Variants in EHHADH observed in about 807,000 individuals in gnomAD.
The protein encoded by EHHADH is enoyl-CoA hydratase and 3-hydroxyacyl CoA dehydrogenase.
Under a neutral mutation model 64.4 loss-of-function variants are expected in EHHADH, and 48 were observed. That is an observed-to-expected ratio of 0.75 (90% CI 0.59 to 0.95). The LOEUF is 0.95. Among genes scored for constraint, EHHADH ranks in the 40% least tolerant of loss-of-function variants. EHHADH has a pLI of 0.00. For missense variants in EHHADH, 854 were observed against 876.6 expected, an observed-to-expected ratio of 0.97 and a Z score of 0.33; for synonymous variants, 308 against 326.7, an observed-to-expected ratio of 0.94 and a Z score of 0.62.
At chr3:185,209,407 T>C (rs1308264388) in intron 5 of EHHADH, among the ~76,000 whole-genome samples, 2 of 152,202 alleles carry the variant, frequency 1.3e-5, no homozygotes, top group Non-Finnish European at 2.9e-5. Flanking sequence ...AATAAATTCA[T>C]AACAACTTAC....
At chr3:185,207,025 C>G (rs1481071266) in intron 5 of EHHADH, among the ~76,000 whole-genome samples, 1 of 151,978 alleles carries the variant, frequency 6.6e-6, no homozygotes, top group East Asian at 1.9e-4. Context: ...CAGTAGCCCA[C>G]GCCTGTAATT....
intron 6 of EHHADH, among the ~76,000 whole-genome samples, chr3:185,204,115 A>G (rs1718304740): frequency 6.8e-6 from 1 of 146,008 alleles, no homozygotes; most frequent in Admixed American, 6.9e-5. Flanking sequence ...CCTGGGTGAC[A>G]GAACAAGACT....
At chr3:185,233,306 G>C (rs939069023) in intron 3 of EHHADH, among the ~76,000 whole-genome samples, 3 of 152,068 alleles carry the variant, frequency 2.0e-5, no homozygotes, top group African/African-American at 7.2e-5. Context: ...CATAAATTAA[G>C]ATGTTAATTG....
chr3:185,201,965 G>A (rs1425505637), intron 6 of EHHADH, among the ~76,000 whole-genome samples: 4 of 152,182 alleles, frequency 2.6e-5, no homozygotes, highest in Non-Finnish European at 5.9e-5. Flanking sequence ...ATAAATATTG[G>A]TATTGCTGAA....
chr3:185,245,878 C>T lies in EHHADH; in HGVS notation c.178+2536G>A, dbSNP rs1577377630. The stretch of plus-strand genomic sequence containing the variant: ...TCTCCCCAGCAACCATATCTGGATT[C>T]TTTTCCCTCATGATGTTGAACACAC... On this transcript the variant is annotated intron_variant, in intron 2 of 6. Transcript: ENST00000231887. 1.1e-5 allele frequency: 12 copies of T among 1,093,234 alleles called. No individual in the cohort carries two copies. The East Asian group carries it at 2.6e-4, about 24-fold the overall frequency. 67.7% of individuals were successfully genotyped at this position (1,093,234 alleles called of 1,614,324 possible). A position where few individuals can be genotyped will look rare whatever the true frequency, so the allele number is the denominator to read the frequency against.
chr3:185,237,554 A>C (rs1050926317), intron 2 of EHHADH, among the ~76,000 whole-genome samples: 1 of 152,170 alleles, frequency 6.6e-6, no homozygotes, highest in Non-Finnish European at 1.5e-5. Context: ...TTTACTAAGA[A>C]TGTTTCTTCT....
intron 4 of EHHADH, among the ~76,000 whole-genome samples, chr3:185,220,754 C>G (rs1718810957): frequency 6.6e-6 from 1 of 152,106 alleles, no homozygotes; most frequent in Admixed American, 6.5e-5. Flanking sequence ...TAATAAGAAC[C>G]CTGTGTGCCC....
At chr3:185,228,386 G>T (rs1719061141) in intron 4 of EHHADH, among the ~76,000 whole-genome samples, 2 of 150,438 alleles carry the variant, frequency 1.3e-5, no homozygotes, top group African/African-American at 2.4e-5. Flanking sequence ...AACTTATAAA[G>T]CACCGGGCTG....
chr3:185,211,300 G>A (rs150721829), intron 5 of EHHADH, among the ~76,000 whole-genome samples: 1 of 152,212 alleles, frequency 6.6e-6, no homozygotes, highest in East Asian at 1.9e-4. Context: ...GGGAGGAAAG[G>A]AAGTAATCAG....
chr3:185,218,638 G>GT (rs1718756367), intron 4 of EHHADH, among the ~76,000 whole-genome samples: 1 of 151,834 alleles, frequency 6.6e-6, no homozygotes, highest in Non-Finnish European at 1.5e-5. Flanking sequence ...GAGATGTTTA[G>GT]TTTTTTATAA....
intron 4 of EHHADH, among the ~76,000 whole-genome samples, chr3:185,224,547 A>G (rs1260735601): frequency 5.3e-5 from 8 of 151,838 alleles, no homozygotes; most frequent in Non-Finnish European, 7.4e-5. Flanking sequence ...TATTTTCCAA[A>G]CCAAAGCAGG....
At chr3:185,225,066 G>A (rs1718937819) in intron 4 of EHHADH, among the ~76,000 whole-genome samples, 1 of 152,186 alleles carries the variant, frequency 6.6e-6, no homozygotes, top group Non-Finnish European at 1.5e-5. Flanking sequence ...AGCATGTCAT[G>A]TTATTTCATT....
chr3:185,215,321 T>TG (rs1235526616), intron 5 of EHHADH, among the ~76,000 whole-genome samples: 70 of 152,042 alleles, frequency 4.6e-4, no homozygotes, highest in Middle Eastern at 3.4e-3. Context: ...GGAATACAAG[T>TG]CAATAAAAAG....
rs1717935854 is a variant in EHHADH at position 185,192,756 on chromosome 3, T to C, written c.1642A>G (p.Thr548Ala). 6.2e-7 allele frequency: 1 copy of C among 1,613,754 alleles called. No homozygotes were observed. The highest frequency in any genetic ancestry group is 1.3e-5 in the African/African-American group (1 of 74,824). ...GLTGPTLLPGTPARKRGNRRY... is the reference protein window; with the variant it reads ...GLTGPTLLPGAPARKRGNRRY... Reference sequence around the variant, plus strand: ...CTATTACCCCTTTTTCGGGCAGGAGTTCCTGGAAGCAATGTAGGTCCAGTA... The same window carrying C: ...CTATTACCCCTTTTTCGGGCAGGAGCTCCTGGAAGCAATGTAGGTCCAGTA... The change falls in exon 7 of 7, where the codon ACT becomes GCT. Residue 548 changes from threonine (T) to alanine (A), a missense_variant. Thr to Ala is a moderately conservative substitution (Grantham distance 58). Transcript: ENST00000231887.
At chr3:185,228,993 T>C (rs1719079291) in intron 4 of EHHADH, among the ~76,000 whole-genome samples, 1 of 152,038 alleles carries the variant, frequency 6.6e-6, no homozygotes, top group South Asian at 2.1e-4. Context: ...TTAATAGAGA[T>C]GGGGTTTCAC....
At chr3:185,230,197 C>A (rs1748277728) in intron 3 of EHHADH, among the ~76,000 whole-genome samples, 1 of 152,136 alleles carries the variant, frequency 6.6e-6, no homozygotes, top group Admixed American at 6.6e-5. Flanking sequence ...ATGGAGAATA[C>A]AGAATCCTCA....
chr3:185,194,511 C>T (rs1718001110), intron 6 of EHHADH, among the ~76,000 whole-genome samples: 1 of 151,888 alleles, frequency 6.6e-6, no homozygotes, highest in Non-Finnish European at 1.5e-5. Context: ...ACTTGGGAGG[C>T]TGAGGCAGGA....
chr3:185,195,583 A>C (rs1718035552), intron 6 of EHHADH, among the ~76,000 whole-genome samples: 1 of 152,248 alleles, frequency 6.6e-6, no homozygotes. Flanking sequence ...TATTCAAAAT[A>C]GCCAAATGCA....
At chr3:185,240,824 T>C (rs1027526396) in intron 2 of EHHADH, among the ~76,000 whole-genome samples, 2 of 152,176 alleles carry the variant, frequency 1.3e-5, no homozygotes, top group African/African-American at 4.8e-5. Context: ...TATTTTTCCA[T>C]AGGTTATTGG....
Sources: gnomAD v4.1 joint callset for allele counts (sites outside exome capture counted in the v4.1 genomes callset) on GRCh38, gnomAD v4.1.1 for gene constraint, MANE v1.5 for transcripts, NCBI Gene and HGNC (gene_info 2026-07-23, HGNC 2026-07-21) for gene names.